The following TATDN3 variants were observed in gnomAD, a reference collection of about 807,000 sequenced individuals.
The protein encoded by TATDN3 is deoxyribonuclease TATDN3.
Under a neutral mutation model 40.1 loss-of-function variants are expected in TATDN3, and 29 were observed. The ratio of observed to expected loss-of-function variants is 0.72; its 90% confidence interval spans 0.54 to 0.99. TATDN3 has a LOEUF of 0.99. Ranked by LOEUF, TATDN3 falls within the 50% of genes least tolerant of loss-of-function variation. The pLI is 0.00. For synonymous variants in TATDN3, 105 were observed against 117.0 expected, an observed-to-expected ratio of 0.90 and a Z score of 0.66; for missense variants, 309 against 321.9, an observed-to-expected ratio of 0.96 and a Z score of 0.31.
At chr1:212,795,027 G>T in intron 1 of TATDN3, 68 bp from the exon 2 acceptor site, 1 of 1,266,356 alleles carries the variant, frequency 7.9e-7, no homozygotes, top group South Asian at 1.2e-5. Flanking sequence ...CAACTACATT[G>T]ACATATACAG....
At position 212,791,936 on chromosome 1, in the gene TATDN3, C is replaced by A. The variant is rs749027271; in HGVS notation, c.15C>A (p.Gly5=). Residue 5 remains glycine (G), a synonymous_variant, in exon 1 of 10, where the codon GGC becomes GGA. Transcript: ENST00000366974. The part of the protein sequence containing the change: MRAA[G]VGLVDCHCHL... ...GCCGGGGCGCAATGCGAGCGGCTGGCGTAGGCTTGGTGGACTGTCACTGCC... is the reference window on the plus strand; with the variant it reads ...GCCGGGGCGCAATGCGAGCGGCTGGAGTAGGCTTGGTGGACTGTCACTGCC... 6.2e-7 allele frequency: 1 copy of A among 1,613,152 alleles called. No individual in the cohort carries two copies. The highest frequency in any genetic ancestry group is 2.2e-5 in the East Asian group (1 of 44,840).
chr1:212,806,904 G>A lies in TATDN3; in HGVS notation c.488-832G>A, dbSNP rs866696227. On this transcript the variant is annotated intron_variant, in intron 7 of 9. Transcript: ENST00000366974. Reference sequence around the variant, plus strand: ...TATGTATATACACATATATACATATGTATATACACATATATACATATATAT... The same window carrying A: ...TATGTATATACACATATATACATATATATATACACATATATACATATATAT... 9.1e-3 allele frequency among the ~76,000 whole-genome samples: 842 copies of A among 92,354 alleles called. 34 individuals are homozygous for A. The highest frequency in any genetic ancestry group is 0.025 in the Middle Eastern group (5 of 202). 60.6% of individuals were successfully genotyped at this position (92,354 alleles called of 152,430 possible).
Position 212,791,918 on chromosome 1 carries a change from C to T in TATDN3, c.-4C>T, listed in dbSNP as rs775722225. The T allele has an allele frequency of 8.7e-6, 14 of 1,613,356 alleles. No individual in the cohort carries two copies. In the East Asian group the frequency reaches 1.1e-4, roughly 13 times the overall value. On this transcript the variant is annotated 5_prime_UTR_variant, in exon 1 of 10. Transcript: ENST00000366974. The stretch of plus-strand genomic sequence containing the variant: ...CGGTCTAAAGCGGCAGCCGCCGGGG[C>T]GCAATGCGAGCGGCTGGCGTAGGCT...
intron 4 of TATDN3, among the ~76,000 whole-genome samples, chr1:212,799,284 T>C (rs1165487794): frequency 1.3e-5 from 2 of 152,164 alleles, no homozygotes; most frequent in East Asian, 3.9e-4. Context: ...AAAGATCCTC[T>C]TGGCTCTGGC....
chr1:212,813,918 A>G (rs1463319324), intron 9 of TATDN3, among the ~76,000 whole-genome samples: 1 of 151,970 alleles, frequency 6.6e-6, no homozygotes, highest in Non-Finnish European at 1.5e-5. Context: ...TAAAAACAGG[A>G]TTAACTTGGA....
intron 2 of TATDN3, among the ~76,000 whole-genome samples, 160 bp from the exon 3 acceptor site, chr1:212,796,357 A>G (rs1490096567): frequency 6.6e-6 from 1 of 152,244 alleles, no homozygotes; most frequent in Admixed American, 6.5e-5. Flanking sequence ...ACTGAACATA[A>G]GGTCTGAAAC....
rs373891279 is a variant in TATDN3 at position 212,807,844 on chromosome 1, G to A, written c.596G>A (p.Gly199Glu). Residue 199 changes from glycine to glutamate, a missense_variant, in exon 8 of 10, where the codon GGA becomes GAA. By Grantham distance (98) the Gly-to-Glu change is moderately conservative (BLOSUM62 -2). Transcript: ENST00000366974. ...FSIPPSIIRS[G>E]QKQKLVKQLP... is the part of the protein sequence containing the mutation. ...ATTCCCCCTTCTATCATAAGAAGTG[G>A]ACAGGTAAATTTTTTCATTGAAACT... is the stretch of plus-strand genomic sequence containing the variant. 29 of 1,600,900 alleles carry A rather than the reference G, an allele frequency of 1.8e-5. No homozygotes were observed. In the African/African-American group the frequency reaches 2.6e-4, roughly 14 times the overall value.
rs1051455877 is a variant in TATDN3 at position 212,809,480 on chromosome 1, C to T, written c.600+1632C>T. On this transcript the variant is annotated intron_variant, in intron 8 of 9. Transcript: ENST00000366974. Reference sequence around the variant, plus strand: ...CGGGCAGATCACGAGGTCAGGAGATCGAGACCATCCTGGCTAACACGGGGA... The same window carrying T: ...CGGGCAGATCACGAGGTCAGGAGATTGAGACCATCCTGGCTAACACGGGGA... Among the ~76,000 whole-genome samples, 4 of 151,770 alleles carry T rather than the reference C, an allele frequency of 2.6e-5. No homozygotes were observed. In the East Asian group the frequency reaches 7.8e-4, roughly 29 times the overall value.
chr1:212,792,903 G>A (rs2102422051), intron 1 of TATDN3: 1 of 152,366 alleles, frequency 6.6e-6, no homozygotes, highest in Non-Finnish European at 1.5e-5. Flanking sequence ...AGGATTAAGG[G>A]GGGTTTTATT....
intron 6 of TATDN3, 50 bp downstream of exon 6, chr1:212,804,479 T>A: frequency 6.4e-7 from 1 of 1,562,374 alleles, no homozygotes; most frequent in African/African-American, 1.4e-5. Context: ...AATTAAATAA[T>A]GATCAGAGTT....
At chr1:212,798,972 A>AT (rs1422976960) in intron 4 of TATDN3, among the ~76,000 whole-genome samples, 1 of 152,230 alleles carries the variant, frequency 6.6e-6, no homozygotes, top group Non-Finnish European at 1.5e-5. Context: ...ATCATCAAGG[A>AT]AGGACTCTGG....
intron 1 of TATDN3, among the ~76,000 whole-genome samples, chr1:212,793,982 T>C (rs1175235309): frequency 2.6e-5 from 4 of 152,042 alleles, no homozygotes. Context: ...AATTACAAGC[T>C]AAAGATAAAA....
Position 212,815,148 on chromosome 1 carries a change from C to T in TATDN3, c.817C>T (p.Gln273Ter). ...KLFPKLRHLL[Q>*]K The stretch of plus-strand genomic sequence containing the variant: ...GTTTCCTAAGCTCCGACACTTGCTC[C>T]AGAAATAGCTTCAAAACCATCCATT... The change falls in exon 10 of 10, where the codon CAG (glutamine) becomes TAG (stop). Residue 273 changes from glutamine (Q) to a stop codon, truncating the protein, a stop_gained. Transcript: ENST00000366974. LOFTEE classifies it high-confidence loss of function. The T allele has an allele frequency of 6.2e-7, 1 of 1,610,436 alleles. No homozygotes were observed. The highest frequency in any genetic ancestry group is 1.3e-5 in the African/African-American group (1 of 74,834).
rs888284804 is a variant in TATDN3 at position 212,813,047 on chromosome 1, T to A, written c.681+719T>A. ...AGATTATGGTAAGTATTACATGAAG[T>A]AACGTATGTGAACGTAACTAGCAGT... On this transcript the variant is annotated intron_variant, in intron 9 of 9. Transcript: ENST00000366974. 3.3e-5 allele frequency among the ~76,000 whole-genome samples: 5 copies of A among 152,094 alleles called. No individual in the cohort carries two copies. In the East Asian group the frequency reaches 9.6e-4, roughly 29 times the overall value.
At chr1:212,796,912 T>A (rs1185327194) in intron 3 of TATDN3, 200 bp from the exon 4 acceptor site, 1 of 513,510 alleles carries the variant, frequency 1.9e-6, no homozygotes. Context: ...ATTTTTATAT[T>A]TTTTGTAGAT....
chr1:212,800,736 T>A (rs1013490486), intron 4 of TATDN3, among the ~76,000 whole-genome samples: 2 of 152,164 alleles, frequency 1.3e-5, no homozygotes, highest in Non-Finnish European at 2.9e-5. Context: ...GGAAACAGCA[T>A]GCATGAGCTT....
intron 9 of TATDN3, among the ~76,000 whole-genome samples, chr1:212,812,610 C>G (rs567915920): frequency 1.1e-3 from 160 of 152,310 alleles, no homozygotes; most frequent in African/African-American, 3.7e-3. Context: ...AAATTCAAAT[C>G]CTGTTATCTA....
At chr1:212,814,858 C>T (rs962327871) in intron 9 of TATDN3, among the ~76,000 whole-genome samples, 155 bp from the exon 10 acceptor site, 17 of 152,134 alleles carry the variant, frequency 1.1e-4, no homozygotes, top group African/African-American at 4.1e-4. Flanking sequence ...TGCAGCCACA[C>T]CTCCCTCCCA....
chr1:212,809,892 C>T (rs1223049765), intron 8 of TATDN3, among the ~76,000 whole-genome samples: 4 of 151,102 alleles, frequency 2.6e-5, no homozygotes, highest in Non-Finnish European at 4.4e-5. Flanking sequence ...GGTGTGGTGG[C>T]GCATGCCTAT....
Sources: gnomAD v4.1 joint callset for allele counts (sites outside exome capture counted in the v4.1 genomes callset) on GRCh38, gnomAD v4.1.1 for gene constraint, MANE v1.5 for transcripts, NCBI Gene and HGNC (gene_info 2026-07-23, HGNC 2026-07-21) for gene names.